Variants in IFT56 observed in about 807,000 individuals in gnomAD.
IFT56 encodes the protein intraflagellar transport 56, also known as intraflagellar transport protein 56.
the IFT56 span, chr7:139,172,753 G>C: frequency 6.3e-6 from 4 of 634,020 alleles, no homozygotes; most frequent in Non-Finnish European, 1.2e-5. Context: ...GAAGCGGCTG[G>C]TCACCTGGTG....
At chr7:139,133,884 G>GAGTA in the IFT56 span, 1 of 1,614,176 alleles carries the variant, frequency 6.2e-7, no homozygotes, top group Non-Finnish European at 8.5e-7. Context: ...AATAGTAAGG[G>GAGTA]AGTACTTTGA....
At chr7:139,187,433 G>C in the IFT56 span, 1 of 1,614,104 alleles carries the variant, frequency 6.2e-7, no homozygotes, top group Non-Finnish European at 8.5e-7. Context: ...TTCTGCCAAA[G>C]CTTTTGATGT....
At chr7:139,185,948 A>T in the IFT56 span, among the ~76,000 whole-genome samples, 6 of 152,050 alleles carry the variant, frequency 3.9e-5, 1 homozygote, top group African/African-American at 1.2e-4. Flanking sequence ...AAGAGAAGAA[A>T]GTTGTGTTTT....
chr7:139,143,526 C>T, the IFT56 span, among the ~76,000 whole-genome samples: 1 of 151,944 alleles, frequency 6.6e-6, no homozygotes, highest in Non-Finnish European at 1.5e-5. Context: ...TATTATATCT[C>T]TCATCTATCC....
chr7:139,171,990 C>T, the IFT56 span, among the ~76,000 whole-genome samples: 2 of 152,110 alleles, frequency 1.3e-5, no homozygotes, highest in Admixed American at 6.6e-5. Flanking sequence ...TAGAAGCAAA[C>T]GTGTAGCTGC....
chr7:139,153,619 A>G, the IFT56 span, among the ~76,000 whole-genome samples: 1 of 152,172 alleles, frequency 6.6e-6, no homozygotes, highest in African/African-American at 2.4e-5. Flanking sequence ...TTTACTTAGC[A>G]TAGTGTTTAC....
the IFT56 span, among the ~76,000 whole-genome samples, chr7:139,167,303 C>G: frequency 6.6e-6 from 1 of 152,168 alleles, no homozygotes; most frequent in South Asian, 2.1e-4. Flanking sequence ...TATTGTATCT[C>G]TAACACTATG....
chr7:139,185,041 G>A, the IFT56 span, among the ~76,000 whole-genome samples: 4 of 141,700 alleles, frequency 2.8e-5, no homozygotes, highest in Admixed American at 7.1e-5. Context: ...GTAACAGGGC[G>A]AGACTCCATC....
At chr7:139,157,139 C>CTTTTTTTTTTTTTTTTTTT in the IFT56 span, among the ~76,000 whole-genome samples, 1 of 82,090 alleles carries the variant, frequency 1.2e-5, no homozygotes, top group East Asian at 3.4e-4. Flanking sequence ...TCTTTAATTT[C>CTTTTTTTTTTTTTTTTTTT]TTTTTTTTTT....
the IFT56 span, among the ~76,000 whole-genome samples, chr7:139,158,014 A>G: frequency 6.6e-6 from 1 of 152,086 alleles, no homozygotes. Context: ...AACAGAATCT[A>G]AGAAATCATA....
chr7:139,159,830 T>A, the IFT56 span, among the ~76,000 whole-genome samples: 2 of 152,228 alleles, frequency 1.3e-5, no homozygotes, highest in Non-Finnish European at 2.9e-5. Flanking sequence ...ATTGTTTTTA[T>A]TTTCAGTAAT....
At chr7:139,180,673 C>T in the IFT56 span, among the ~76,000 whole-genome samples, 1 of 151,508 alleles carries the variant, frequency 6.6e-6, no homozygotes, top group Non-Finnish European at 1.5e-5. Flanking sequence ...CGCACCACTG[C>T]ACTCCAGCCT....
chr7:139,148,451 AAACTCTGTTATCTGT>A, the IFT56 span: 12 of 1,393,844 alleles, frequency 8.6e-6, no homozygotes, highest in South Asian at 1.6e-4. Flanking sequence ...GTTATTCATG[AAACTCTGTTATCTGT>A]AACTCTTGAT....
At chr7:139,147,951 T>C in the IFT56 span, among the ~76,000 whole-genome samples, 1 of 152,226 alleles carries the variant, frequency 6.6e-6, no homozygotes, top group African/African-American at 2.4e-5. Flanking sequence ...TGTTCAATTA[T>C]TGCATATATT....
At chr7:139,142,426 C>A in the IFT56 span, 1 of 869,332 alleles carries the variant, frequency 1.2e-6, no homozygotes, top group Non-Finnish European at 1.8e-6. Context: ...TTTTCTAGAA[C>A]AAGTGGAATA....
the IFT56 span, chr7:139,140,060 G>A: frequency 1.7e-6 from 2 of 1,210,978 alleles, no homozygotes; most frequent in Non-Finnish European, 2.3e-6. Context: ...TTGTTTTGAA[G>A]ATTTTAAAAC....
the IFT56 span, chr7:139,148,224 T>C: frequency 5.0e-6 from 8 of 1,612,340 alleles, no homozygotes; most frequent in South Asian, 2.2e-5. Flanking sequence ...TTGCCCTTAA[T>C]GTTTATGTGG....
the IFT56 span, among the ~76,000 whole-genome samples, chr7:139,145,691 T>C: frequency 0.25 from 37,607 of 151,806 alleles, 8,424 homozygotes; most frequent in African/African-American, 0.57. Context: ...GCTGGGATTA[T>C]AGGCGTGAGC....
chr7:139,144,637 G>A, the IFT56 span, among the ~76,000 whole-genome samples: 1 of 151,684 alleles, frequency 6.6e-6, no homozygotes, highest in Non-Finnish European at 1.5e-5. Flanking sequence ...TGTTTGTATC[G>A]CATGTAAACA....
Sources: gnomAD v4.1 joint callset for allele counts (sites outside exome capture counted in the v4.1 genomes callset) on GRCh38, gnomAD v4.1.1 for gene constraint, MANE v1.5 for transcripts, NCBI Gene and HGNC (gene_info 2026-07-23, HGNC 2026-07-21) for gene names.